FHIT: variants seen among roughly 807,000 people sequenced by gnomAD.
FHIT encodes the protein bis(5'-adenosyl)-triphosphatase.
A neutral mutation model predicts 17.9 loss-of-function variants in FHIT; 19 were observed. The observed-to-expected ratio is 1.06, with a 90% CI of 0.74 to 1.56. FHIT has a LOEUF of 1.56. Among genes scored for constraint, FHIT ranks in the 40% most tolerant of loss-of-function variants. The probability of loss-of-function intolerance (pLI) is 0.00; values close to 1 mark genes in which losing one functional copy is unlikely to be tolerated. For synonymous variants in FHIT, 81 were observed against 69.7 expected (o/e 1.16, Z -0.81); for missense variants, 248 against 189.2 (o/e 1.31, Z -1.82).
intron 5 of FHIT, among the ~76,000 whole-genome samples, chr3:60,494,254 C>G (rs964248556): frequency 6.6e-6 from 1 of 152,196 alleles, no homozygotes; most frequent in Non-Finnish European, 1.5e-5. Flanking sequence ...AATCTGCTAC[C>G]TCTATGACTT....
chr3:59,982,932 G>A (rs1226038925), intron 7 of FHIT, among the ~76,000 whole-genome samples: 1 of 151,820 alleles, frequency 6.6e-6, no homozygotes, highest in South Asian at 2.1e-4. Context: ...CCTATGCATC[G>A]TGCATTAGCC....
chr3:59,869,429 G>A lies in FHIT; in HGVS notation c.348+52917C>T, dbSNP rs181632523. On this transcript the variant is annotated intron_variant, in intron 8 of 9. Transcript: ENST00000492590. ...CCTTCACTGAGTTGTATTTGATACC[G>A]AATGCCTGCATTTTCATGTACTAGT... 9.7e-4 allele frequency among the ~76,000 whole-genome samples: 145 copies of A among 150,104 alleles called. 1 individual carries two copies. The highest frequency in any genetic ancestry group is 1.5e-3 in the Non-Finnish European group (101 of 67,756).
At chr3:60,320,181 T>C (rs751045714) in intron 5 of FHIT, among the ~76,000 whole-genome samples, 1 of 152,226 alleles carries the variant, frequency 6.6e-6, no homozygotes, top group African/African-American at 2.4e-5. Context: ...GTTGTTTATG[T>C]ATAAAAACAA....
intron 5 of FHIT, among the ~76,000 whole-genome samples, chr3:60,528,196 C>G (rs2035644956): frequency 6.6e-6 from 1 of 152,168 alleles, no homozygotes; most frequent in African/African-American, 2.4e-5. Flanking sequence ...GTCTGAAACT[C>G]CTGGTCTCAA....
chr3:60,662,423 T>G (rs1385637965), intron 4 of FHIT, among the ~76,000 whole-genome samples: 7 of 152,338 alleles, frequency 4.6e-5, no homozygotes, highest in Middle Eastern at 6.8e-3. Context: ...ACCAGTACCA[T>G]GCTGTTTTGG....
chr3:60,906,183 G>C (rs1706405834), intron 3 of FHIT, among the ~76,000 whole-genome samples: 1 of 152,080 alleles, frequency 6.6e-6, no homozygotes, highest in African/African-American at 2.4e-5. Flanking sequence ...AATAAATCTT[G>C]AACTTTACTT....
chr3:60,338,528 T>C (rs1383032806), intron 5 of FHIT, among the ~76,000 whole-genome samples: 3 of 152,200 alleles, frequency 2.0e-5, no homozygotes, highest in Non-Finnish European at 4.4e-5. Context: ...CCATAGTATA[T>C]ATGTCAGATT....
intron 5 of FHIT, among the ~76,000 whole-genome samples, chr3:60,241,652 A>T (rs1705134697): frequency 6.6e-6 from 1 of 152,068 alleles, no homozygotes; most frequent in Non-Finnish European, 1.5e-5. Context: ...ATGTCAGGGA[A>T]TTGCCTGGAG....
At chr3:60,143,568 A>C (rs1010469715) in intron 5 of FHIT, among the ~76,000 whole-genome samples, 8 of 152,116 alleles carry the variant, frequency 5.3e-5, no homozygotes, top group African/African-American at 1.9e-4. Flanking sequence ...AGCAAAAATA[A>C]ATGATTATTG....
At chr3:60,642,486 C>T (rs1202312131) in intron 4 of FHIT, among the ~76,000 whole-genome samples, 1 of 152,218 alleles carries the variant, frequency 6.6e-6, no homozygotes, top group Non-Finnish European at 1.5e-5. Flanking sequence ...CACACACACA[C>T]ACCCTCCCCA....
chr3:60,184,152 T>C (rs1435757576), intron 5 of FHIT, among the ~76,000 whole-genome samples: 3 of 151,966 alleles, frequency 2.0e-5, no homozygotes, highest in African/African-American at 7.3e-5. Flanking sequence ...ACCTAATTTG[T>C]TTTTTATTTT....
chr3:60,827,189 G>A (rs1442405348), intron 3 of FHIT, among the ~76,000 whole-genome samples: 1 of 152,178 alleles, frequency 6.6e-6, no homozygotes, highest in East Asian at 1.9e-4. Flanking sequence ...GGAAAGTTCA[G>A]TAATCATGAA....
intron 2 of FHIT, among the ~76,000 whole-genome samples, chr3:61,180,726 C>T (rs973906023): frequency 2.6e-5 from 4 of 152,150 alleles, no homozygotes; most frequent in Non-Finnish European, 5.9e-5. Context: ...GATTTAATTG[C>T]CCTGCTTTTA....
At chr3:60,807,215 C>G (rs558070847) in intron 4 of FHIT, among the ~76,000 whole-genome samples, 10 of 152,218 alleles carry the variant, frequency 6.6e-5, no homozygotes, top group South Asian at 2.1e-4. Context: ...TTTCTTCCCC[C>G]CTTTTGGATG....
At chr3:59,899,012 G>C (rs912556142) in intron 8 of FHIT, among the ~76,000 whole-genome samples, 1 of 152,156 alleles carries the variant, frequency 6.6e-6, no homozygotes, top group African/African-American at 2.4e-5. Context: ...TCTTCCCCTA[G>C]TCTGCCCACC....
chr3:60,610,848 C>G (rs1198872664), intron 4 of FHIT, among the ~76,000 whole-genome samples: 21 of 152,142 alleles, frequency 1.4e-4, no homozygotes, highest in African/African-American at 5.1e-4. Context: ...TTGCTTTTCT[C>G]TTGGGAGGAG....
chr3:60,749,146 T>G (rs2042418043), intron 4 of FHIT, among the ~76,000 whole-genome samples: 1 of 152,190 alleles, frequency 6.6e-6, no homozygotes, highest in Admixed American at 6.5e-5. Context: ...ACGAGTGGTC[T>G]CTCTGTCTTC....
At chr3:60,419,108 A>T (rs1702377833) in intron 5 of FHIT, among the ~76,000 whole-genome samples, 1 of 152,198 alleles carries the variant, frequency 6.6e-6, no homozygotes, top group Admixed American at 6.5e-5. Context: ...TGTGCCGTGC[A>T]GTCAGGCAAG....
At chr3:59,889,379 C>G (rs991210007) in intron 8 of FHIT, among the ~76,000 whole-genome samples, 1 of 152,198 alleles carries the variant, frequency 6.6e-6, no homozygotes. Context: ...CCTAAAAGGA[C>G]AAGTCATGAA....
Sources: allele counts gnomAD v4.1 joint callset (sites outside exome capture counted in the v4.1 genomes callset), GRCh38; gene constraint gnomAD v4.1.1; transcripts MANE v1.5; gene names NCBI Gene and HGNC (gene_info 2026-07-23, HGNC 2026-07-21).